UNC13B: variants seen among roughly 807,000 people sequenced by gnomAD.
UNC13B encodes protein unc-13 homolog B.
In UNC13B, 144 loss-of-function variants were observed where a neutral mutation model predicts 211.0. The observed-to-expected ratio is 0.68, with a 90% CI of 0.60 to 0.78. The LOEUF (loss-of-function observed/expected upper bound fraction) is 0.78, where lower values mean the gene tolerates loss of function less well. Ranked by LOEUF, UNC13B falls within the 30% of genes least tolerant of loss-of-function variation. The pLI is 0.00. For synonymous variants in UNC13B, 709 were observed against 725.8 expected (o/e 0.98, Z 0.37); for missense variants, 1,777 against 2,002.0 (o/e 0.89, Z 2.14).
At chr9:35,215,816 G>C (rs916937170) in intron 1 of UNC13B, among the ~76,000 whole-genome samples, 1 of 152,178 alleles carries the variant, frequency 6.6e-6, no homozygotes, top group African/African-American at 2.4e-5. Flanking sequence ...TTGCCTGTTA[G>C]TATCTTCTGA....
At chr9:35,243,385 A>G in intron 6 of UNC13B, 21 bp downstream of exon 6, 1 of 1,612,638 alleles carries the variant, frequency 6.2e-7, no homozygotes, top group Non-Finnish European at 8.5e-7. Context: ...CCTTATTTGC[A>G]GTATAGAGAG....
intron 7 of UNC13B, among the ~76,000 whole-genome samples, chr9:35,294,039 C>T (rs1010054101): frequency 2.0e-5 from 3 of 151,630 alleles, no homozygotes; most frequent in South Asian, 2.1e-4. Flanking sequence ...GATTTTCTTC[C>T]TTACCTATAA....
At chr9:35,393,447 C>A (rs1835668012) in intron 26 of UNC13B, among the ~76,000 whole-genome samples, 1 of 152,054 alleles carries the variant, frequency 6.6e-6, no homozygotes, top group Non-Finnish European at 1.5e-5. Context: ...CTGGAAGCAG[C>A]AGTTCAGTGT....
At chr9:35,376,942 G>C (rs959160622) in intron 15 of UNC13B, among the ~76,000 whole-genome samples, 1 of 152,192 alleles carries the variant, frequency 6.6e-6, no homozygotes, top group South Asian at 2.1e-4. Context: ...CCCAGGAAAA[G>C]CAGGGGTGAA....
intron 1 of UNC13B, among the ~76,000 whole-genome samples, chr9:35,195,838 C>T (rs992511306): frequency 7.2e-5 from 11 of 152,158 alleles, no homozygotes; most frequent in African/African-American, 2.2e-4. Context: ...ATCTTGCTAG[C>T]CAGTCAGAAC....
intron 11 of UNC13B, among the ~76,000 whole-genome samples, chr9:35,348,869 C>T (rs1341553808): frequency 6.6e-6 from 1 of 152,128 alleles, no homozygotes; most frequent in African/African-American, 2.4e-5. Context: ...CTCATGGCTT[C>T]ATGTAGTTGT....
At chr9:35,293,025 C>CT (rs1829171254) in intron 7 of UNC13B, among the ~76,000 whole-genome samples, 1 of 152,204 alleles carries the variant, frequency 6.6e-6, no homozygotes, top group African/African-American at 2.4e-5. Flanking sequence ...TCTAATCAGG[C>CT]TTGGTGCCAG....
intron 11 of UNC13B, among the ~76,000 whole-genome samples, chr9:35,332,888 C>T (rs1831452252): frequency 1.3e-5 from 2 of 152,110 alleles, no homozygotes; most frequent in African/African-American, 2.4e-5. Flanking sequence ...TTATATATTT[C>T]TTAAAATAAT....
intron 11 of UNC13B, among the ~76,000 whole-genome samples, chr9:35,342,907 AAGAG>A (rs748340161): frequency 1.6e-4 from 24 of 151,954 alleles, no homozygotes; most frequent in Admixed American, 7.2e-4. Flanking sequence ...GAGAGAGAGA[AAGAG>A]AGAGAGAGAC....
At chr9:35,340,109 C>T (rs938430699) in intron 11 of UNC13B, among the ~76,000 whole-genome samples, 5 of 152,222 alleles carry the variant, frequency 3.3e-5, no homozygotes, top group African/African-American at 1.2e-4. Flanking sequence ...GGAAACTCCA[C>T]AGTAAATTGG....
rs761306089 is a variant in UNC13B, at chr9:35,376,063, A to T, written c.9651A>T (p.Leu3217Phe). The T allele has an allele frequency of 1.2e-6, 2 of 1,614,100 alleles. No individual in the cohort carries two copies. Among genetic ancestry groups the T allele is most frequent in the East Asian group, 4.5e-5 (2 of 44,894 alleles). ...SHVYKKTLQA[L>F]IYPISCTTPH... ...TGTATAAGAAAACCCTGCAGGCCTT[A>T]ATCTACCCCATTTCGTGCACCACTC... Residue 3217 changes from leucine (L) to phenylalanine (F), a missense_variant, in exon 15 of 40, where the codon TTA becomes TTT. Coordinates refer to ENST00000635942, the MANE Select transcript of UNC13B (RefSeq NM_001371189.2).
chr9:35,241,590 CACA>C (rs1198283023), intron 5 of UNC13B, among the ~76,000 whole-genome samples: 6 of 113,872 alleles, frequency 5.3e-5, no homozygotes, highest in African/African-American at 1.8e-4. Flanking sequence ...CACACACACA[CACA>C]CACCACCATC....
intron 11 of UNC13B, among the ~76,000 whole-genome samples, chr9:35,344,843 A>C (rs1273318499): frequency 2.0e-5 from 3 of 152,208 alleles, no homozygotes; most frequent in Admixed American, 1.3e-4. Context: ...GGTTTGTCCA[A>C]CTATGTTCTG....
chr9:35,190,426 A>G (rs1822589053), intron 1 of UNC13B, among the ~76,000 whole-genome samples: 1 of 152,250 alleles, frequency 6.6e-6, no homozygotes, highest in African/African-American at 2.4e-5. Flanking sequence ...AAGTAATTTG[A>G]TATCCCCAAA....
At chr9:35,163,105 G>C (rs1052081080) in intron 1 of UNC13B, among the ~76,000 whole-genome samples, 2 of 152,176 alleles carry the variant, frequency 1.3e-5, no homozygotes, top group African/African-American at 4.8e-5. Context: ...GGTTTTGAAT[G>C]AATGCAAGTA....
At chr9:35,229,510 A>T (rs993681258) in intron 2 of UNC13B, among the ~76,000 whole-genome samples, 4 of 152,072 alleles carry the variant, frequency 2.6e-5, no homozygotes, top group African/African-American at 9.7e-5. Flanking sequence ...GTCAATATTT[A>T]TCTTTTTACC....
Position 35,378,397 on chromosome 9 carries a change from T to C in UNC13B, c.10166T>C (p.Phe3389Ser), listed in dbSNP as rs1286652792. 5.0e-6 allele frequency: 8 copies of C among 1,614,034 alleles called. No individual in the cohort carries two copies. The highest frequency in any genetic ancestry group is 2.2e-5 in the South Asian group (2 of 91,086). The change falls in exon 17 of 40, where the codon TTT (phenylalanine) becomes TCT (serine). Residue 3389 changes from phenylalanine (F) to serine (S), a missense_variant. Phe to Ser is a radical substitution (Grantham distance 155). Coordinates refer to ENST00000635942, the MANE Select transcript of UNC13B (RefSeq NM_001371189.2). ...ACTAAGAAGCGTACCAAGACCATTTTTGGAAACTTGAATCCTGTTTGGGAG... is the reference window on the plus strand; with the variant it reads ...ACTAAGAAGCGTACCAAGACCATTTCTGGAAACTTGAATCCTGTTTGGGAG... Reference protein sequence around the residue: ...SKTKKRTKTIFGNLNPVWEEK... With the variant: ...SKTKKRTKTISGNLNPVWEEK...
At chr9:35,390,156 T>C (rs1002439452) in intron 25 of UNC13B, among the ~76,000 whole-genome samples, 183 bp downstream of exon 25, 1 of 152,150 alleles carries the variant, frequency 6.6e-6, no homozygotes, top group African/African-American at 2.4e-5. Flanking sequence ...GGAAACATAA[T>C]GGGGGTCCCT....
At chr9:35,400,118 C>T (rs953486275) in intron 36 of UNC13B, among the ~76,000 whole-genome samples, 178 bp from the exon 37 acceptor site, 1 of 152,160 alleles carries the variant, frequency 6.6e-6, no homozygotes, top group Non-Finnish European at 1.5e-5. Flanking sequence ...TGTGGCCATC[C>T]CCTACTAATC....
Sources: gnomAD v4.1 joint callset for allele counts (sites outside exome capture counted in the v4.1 genomes callset) on GRCh38, gnomAD v4.1.1 for gene constraint, MANE v1.5 for transcripts, NCBI Gene and HGNC (gene_info 2026-07-23, HGNC 2026-07-21) for gene names.